ZFAND3: variants seen among roughly 807,000 people sequenced by gnomAD.
The protein encoded by ZFAND3 is AN1-type zinc finger protein 3.
ZFAND3 carries 10 observed loss-of-function variants against 29.6 expected under a neutral mutation model. The ratio of observed to expected loss-of-function variants is 0.34; its 90% CI spans 0.21 to 0.57. ZFAND3 has a LOEUF of 0.57. Ranked by LOEUF, ZFAND3 falls within the 20% of genes least tolerant of loss-of-function variation. ZFAND3 has a pLI of 0.86. For missense variants in ZFAND3, 230 were observed against 304.5 expected (o/e 0.76, Z 1.82); for synonymous variants, 128 against 112.6 (o/e 1.14, Z -0.87).
chr6:38,085,721 T>G (rs1029100559), intron 4 of ZFAND3, among the ~76,000 whole-genome samples: 3 of 152,164 alleles, frequency 2.0e-5, no homozygotes, highest in Non-Finnish European at 2.9e-5. Flanking sequence ...ATTACAGGCA[T>G]GAGCAACCGT....
chr6:37,908,018 A>G (rs1043860321), intron 1 of ZFAND3, among the ~76,000 whole-genome samples: 3 of 152,190 alleles, frequency 2.0e-5, no homozygotes, highest in Non-Finnish European at 2.9e-5. Flanking sequence ...ACTTGTCCCA[A>G]AAATGTCTTC....
chr6:38,129,949 G>A (rs535048944), intron 5 of ZFAND3, among the ~76,000 whole-genome samples: 1 of 152,146 alleles, frequency 6.6e-6, no homozygotes, highest in South Asian at 2.1e-4. Flanking sequence ...ACCCATCCAT[G>A]AGCATGGGAT....
chr6:37,835,121 A>G (rs371293001), intron 1 of ZFAND3, among the ~76,000 whole-genome samples: 3 of 152,174 alleles, frequency 2.0e-5, no homozygotes, highest in East Asian at 3.9e-4. Flanking sequence ...TTACGTTTCT[A>G]TTAGGTCATC....
At chr6:37,983,849 C>T (rs960727612) in intron 2 of ZFAND3, among the ~76,000 whole-genome samples, 38 of 152,286 alleles carry the variant, frequency 2.5e-4, no homozygotes, top group African/African-American at 9.1e-4. Context: ...GCTATACCAT[C>T]TAGGTTTGTG....
chr6:37,917,217 G>A (rs557333709), intron 1 of ZFAND3, among the ~76,000 whole-genome samples: 2 of 152,144 alleles, frequency 1.3e-5, no homozygotes, highest in African/African-American at 4.8e-5. Context: ...CAAGGATAAT[G>A]GGGGACTACT....
intron 1 of ZFAND3, among the ~76,000 whole-genome samples, chr6:37,907,610 T>C (rs2127403387): frequency 6.6e-6 from 1 of 152,330 alleles, no homozygotes; most frequent in South Asian, 2.1e-4. Flanking sequence ...AATACCACAT[T>C]GTGTTTATTC....
intron 3 of ZFAND3, among the ~76,000 whole-genome samples, chr6:38,077,450 A>C (rs1764577198): frequency 6.6e-6 from 1 of 152,252 alleles, no homozygotes; most frequent in Non-Finnish European, 1.5e-5. Context: ...ATGTTAAGTA[A>C]GAAAATTGAA....
intron 2 of ZFAND3, among the ~76,000 whole-genome samples, chr6:37,972,650 T>G (rs1188015845): frequency 1.3e-5 from 2 of 152,214 alleles, no homozygotes; most frequent in African/African-American, 2.4e-5. Flanking sequence ...GACCAGGTGC[T>G]ATACTTTATG....
At chr6:38,079,203 C>G (rs1162511923) in intron 3 of ZFAND3, among the ~76,000 whole-genome samples, 1 of 152,124 alleles carries the variant, frequency 6.6e-6, no homozygotes, top group African/African-American at 2.4e-5. Flanking sequence ...AAATTTAACT[C>G]TAAGCTCTCT....
intron 4 of ZFAND3, among the ~76,000 whole-genome samples, chr6:38,113,732 C>G (rs917427912): frequency 1.3e-5 from 2 of 151,270 alleles, no homozygotes; most frequent in African/African-American, 4.9e-5. Flanking sequence ...AACTCCCTTA[C>G]TTATTTGGAC....
intron 2 of ZFAND3, among the ~76,000 whole-genome samples, chr6:37,949,798 G>A (rs1377975755): frequency 1.3e-5 from 2 of 152,172 alleles, no homozygotes; most frequent in Non-Finnish European, 1.5e-5. Flanking sequence ...TGGGGTGCAC[G>A]ACCCTCCCTG....
chr6:37,877,390 G>T lies in ZFAND3; in HGVS notation c.72-52569G>T, dbSNP rs1363530516. The stretch of plus-strand genomic sequence containing the variant: ...TGTTTTTGTTTTTTAATTTTTCCCT[G>T]TAAAGAATTGAAGGGTATCAGAGAA... On this transcript the variant is annotated intron_variant, in intron 1 of 5. Transcript: ENST00000287218. Among the ~76,000 whole-genome samples the T allele has an allele frequency of 2.6e-5, 4 of 152,062 alleles. No homozygotes were observed. The East Asian group carries it at 7.7e-4, about 29-fold the overall frequency.
chr6:38,103,840 C>T (rs1357540658), intron 4 of ZFAND3, among the ~76,000 whole-genome samples: 1 of 152,132 alleles, frequency 6.6e-6, no homozygotes, highest in African/African-American at 2.4e-5. Context: ...ACTTAGAGTA[C>T]TACCTTATTC....
chr6:37,916,476 G>A (rs558452502), intron 1 of ZFAND3, among the ~76,000 whole-genome samples: 3 of 151,006 alleles, frequency 2.0e-5, no homozygotes, highest in East Asian at 1.9e-4. Flanking sequence ...AGGCTAACAC[G>A]GTGAAACGCT....
chr6:38,067,391 G>A (rs767243088), intron 3 of ZFAND3, among the ~76,000 whole-genome samples: 1 of 152,204 alleles, frequency 6.6e-6, no homozygotes, highest in Non-Finnish European at 1.5e-5. Flanking sequence ...TGAAGATGGA[G>A]GCACAGGATG....
At chr6:38,134,654 T>A (rs886167258) in intron 5 of ZFAND3, among the ~76,000 whole-genome samples, 8 of 152,192 alleles carry the variant, frequency 5.3e-5, no homozygotes, top group African/African-American at 1.7e-4. Flanking sequence ...TCTGAGAAGA[T>A]CAGTATCAAT....
At chr6:38,107,244 A>G (rs1220898335) in intron 4 of ZFAND3, among the ~76,000 whole-genome samples, 1 of 152,204 alleles carries the variant, frequency 6.6e-6, no homozygotes. Flanking sequence ...TGAAAGCACT[A>G]GTAGCAAGCT....
chr6:37,927,725 T>G (rs1217354079), intron 1 of ZFAND3, among the ~76,000 whole-genome samples: 1 of 152,228 alleles, frequency 6.6e-6, no homozygotes, highest in Non-Finnish European at 1.5e-5. Flanking sequence ...GATGAGAAGC[T>G]TTACTTTCTC....
intron 2 of ZFAND3, among the ~76,000 whole-genome samples, chr6:37,989,042 G>A (rs572064315): frequency 1.3e-5 from 2 of 152,198 alleles, no homozygotes; most frequent in East Asian, 1.9e-4. Context: ...TAGTAGCTGG[G>A]ATTACAGGCA....
Sources: allele counts gnomAD v4.1 joint callset (sites outside exome capture counted in the v4.1 genomes callset), GRCh38; gene constraint gnomAD v4.1.1; transcripts MANE v1.5; gene names NCBI Gene and HGNC (gene_info 2026-07-23, HGNC 2026-07-21).